Variants in SLC12A2 observed in about 807,000 individuals in gnomAD.
SLC12A2 encodes the protein solute carrier family 12 member 2.
A neutral mutation model predicts 136.3 loss-of-function variants in SLC12A2; 67 were observed. That is an observed-to-expected ratio of 0.49 (90% confidence interval 0.40 to 0.60). The LOEUF (loss-of-function observed/expected upper bound fraction) is 0.60, where lower values mean the gene tolerates loss of function less well. Ranked by LOEUF, SLC12A2 falls within the 20% of genes least tolerant of loss-of-function variation. SLC12A2 has a pLI of 0.00. For missense variants in SLC12A2, 1,322 were observed against 1,534.7 expected (o/e 0.86, Z 2.32); for synonymous variants, 619 against 562.9 (o/e 1.10, Z -1.41).
chr5:128,114,733 A>C (rs561286507), intron 4 of SLC12A2, 52 bp downstream of exon 4: 1 of 1,076,498 alleles, frequency 9.3e-7, no homozygotes, highest in East Asian at 2.4e-5. Flanking sequence ...TACTAAACAG[A>C]GGTCTAAATT....
At chr5:128,125,453 ATCT>A (rs1180916614) in intron 4 of SLC12A2, among the ~76,000 whole-genome samples, 1 of 152,086 alleles carries the variant, frequency 6.6e-6, no homozygotes, top group Non-Finnish European at 1.5e-5. Context: ...CACTTGTACA[ATCT>A]TCTTTTGGGA....
rs931244171 is a variant in SLC12A2 at position 128,186,418 on chromosome 5, T to C, written c.3504-78T>C. ...CAGTAACTGTTATTGTAATCTACTTTATAATTTTTGCTACATTTTATTCTG... is the reference window on the plus strand; with the variant it reads ...CAGTAACTGTTATTGTAATCTACTTCATAATTTTTGCTACATTTTATTCTG... On this transcript the variant is annotated intron_variant, in intron 26 of 26. Coordinates refer to ENST00000262461, the MANE Select transcript of SLC12A2 (RefSeq NM_001046.3). The C allele has an allele frequency of 3.6e-6, 5 of 1,392,132 alleles. No homozygotes were observed. In the African/African-American group the frequency reaches 5.8e-5, roughly 16 times the overall value. 86.2% of individuals were successfully genotyped at this position (1,392,132 alleles called of 1,614,324 possible).
chr5:128,180,805 G>A, intron 22 of SLC12A2, 78 bp from the exon 23 acceptor site: 1 of 845,504 alleles, frequency 1.2e-6, no homozygotes, highest in Non-Finnish European at 2.0e-6. Flanking sequence ...TAGTAAACAT[G>A]TTTTTCGAGA....
intron 1 of SLC12A2, among the ~76,000 whole-genome samples, chr5:128,091,327 A>G (rs1760310112): frequency 1.3e-5 from 2 of 152,192 alleles, no homozygotes; most frequent in Admixed American, 1.3e-4. Context: ...TTCATTCTAC[A>G]AATTAGTTCT....
At chr5:128,110,913 G>C in intron 1 of SLC12A2, 1 of 1,014,606 alleles carries the variant, frequency 9.9e-7, no homozygotes, top group Non-Finnish European at 1.6e-6. Flanking sequence ...AAATCTGAGA[G>C]GGCATGAAAA....
In SLC12A2 at chr5:128,186,407, G is replaced by A. The variant is rs533407612; in HGVS notation, c.3504-89G>A. 67 of 1,269,864 alleles carry A rather than the reference G, an allele frequency of 5.3e-5. No individual in the cohort carries two copies. The African/African-American group carries it at 8.3e-4, about 16-fold the overall frequency. 78.7% of individuals were successfully genotyped at this position (1,269,864 alleles called of 1,614,324 possible). On this transcript the variant is annotated intron_variant, in intron 26 of 26. Transcript: ENST00000262461. ...ATAGTAATTTACAGTAACTGTTATT[G>A]TAATCTACTTTATAATTTTTGCTAC...
chr5:128,090,232 G>T (rs991194714), intron 1 of SLC12A2, among the ~76,000 whole-genome samples: 2 of 152,158 alleles, frequency 1.3e-5, no homozygotes, highest in African/African-American at 2.4e-5. Context: ...TTCCTGGGTA[G>T]AAGGAAAGAA....
At position 128,116,747 on chromosome 5, in the gene SLC12A2, C is replaced by T. The variant is rs184926549; in HGVS notation, c.1048+2066C>T. ...GCTTTCTTAGAAGGCATTCATTTTTCACTTAGTGACTTTGGACAGCTGGAT... is the reference window on the plus strand; with the variant it reads ...GCTTTCTTAGAAGGCATTCATTTTTTACTTAGTGACTTTGGACAGCTGGAT... On this transcript the variant is annotated intron_variant, in intron 4 of 26. Coordinates refer to ENST00000262461, the MANE Select transcript of SLC12A2 (RefSeq NM_001046.3). Among the ~76,000 whole-genome samples the T allele has an allele frequency of 4.5e-4, 68 of 152,216 alleles. 1 individual carries two copies. The highest frequency in any genetic ancestry group is 1.6e-3 in the Admixed American group (24 of 15,288).
chr5:128,148,302 T>A (rs1762594499), intron 11 of SLC12A2, among the ~76,000 whole-genome samples: 1 of 151,752 alleles, frequency 6.6e-6, no homozygotes, highest in Non-Finnish European at 1.5e-5. Flanking sequence ...GCTGTATTTA[T>A]AGCCAGTGAG....
In SLC12A2 at chr5:128,138,739, G is replaced by T; in HGVS notation, c.1536+15G>T. On this transcript the variant is annotated intron_variant, in intron 8 of 26. Transcript: ENST00000262461. ...GTGATCTTGCAGTAAGTATTATAAA[G>T]TGCTATATCAATTATATATTTTAAA... 1 of 1,607,814 alleles carries T rather than the reference G, an allele frequency of 6.2e-7. No homozygotes were observed. The highest frequency in any genetic ancestry group is 8.5e-7 in the Non-Finnish European group (1 of 1,176,996).
At chr5:128,136,724 AC>A (rs1439143307) in intron 7 of SLC12A2, among the ~76,000 whole-genome samples, 4 of 151,980 alleles carry the variant, frequency 2.6e-5, no homozygotes, top group Admixed American at 6.5e-5. Flanking sequence ...TACTCCTGTT[AC>A]CCCCTTTAAA....
At chr5:128,185,083 T>C (rs1018106258) in intron 26 of SLC12A2, among the ~76,000 whole-genome samples, 1 of 152,162 alleles carries the variant, frequency 6.6e-6, no homozygotes, top group Non-Finnish European at 1.5e-5. Flanking sequence ...CATAGTAGGT[T>C]ATATTGGAAC....
chr5:128,131,527 A>G (rs1762022481), intron 5 of SLC12A2, among the ~76,000 whole-genome samples: 1 of 138,478 alleles, frequency 7.2e-6, no homozygotes, highest in Non-Finnish European at 1.5e-5. Context: ...CCCCATCTCT[A>G]CTACAAATAC....
Position 128,188,324 on chromosome 5 carries a change from C to T in SLC12A2, c.*1693C>T, listed in dbSNP as rs1005156923. On this transcript the variant is annotated 3_prime_UTR_variant, in exon 27 of 27. Coordinates refer to ENST00000262461, the MANE Select transcript of SLC12A2 (RefSeq NM_001046.3). ...TTTTTTTTTTTTTTTGAGACGGAGT[C>T]TTGCTCTGTTGCCACGCTGGAATGC... The T allele has an allele frequency of 1.4e-4, 16 of 110,888 alleles. No homozygotes were observed. The highest frequency in any genetic ancestry group is 5.8e-4 in the African/African-American group (16 of 27,698). The allele number at this position is 110,888 out of a possible 1,614,324, so 6.9% of individuals were successfully genotyped here.
intron 9 of SLC12A2, 50 bp downstream of exon 9, chr5:128,138,958 GTACTATAAA>G: frequency 8.2e-7 from 1 of 1,219,868 alleles, no homozygotes; most frequent in Non-Finnish European, 1.2e-6. Context: ...CATGATGTAC[GTACTATAAA>G]TACTTATTTT....
chr5:128,177,013 T>C, intron 20 of SLC12A2, 92 bp from the exon 21 acceptor site: 2 of 720,600 alleles, frequency 2.8e-6, no homozygotes, highest in African/African-American at 1.9e-5. Flanking sequence ...TCATATTATA[T>C]TTTGTTTATA....
rs758116320 is a variant in SLC12A2, at chr5:128,084,674, G to A, written c.720G>A (p.Arg240=). 12 of 1,609,186 alleles carry A rather than the reference G, an allele frequency of 7.5e-6. No individual in the cohort carries two copies. The highest frequency in any genetic ancestry group is 9.3e-6 in the Non-Finnish European group (11 of 1,177,712). The change falls in exon 1 of 27, where the codon CGG becomes CGA. Residue 240 remains arginine (R), a synonymous_variant. Transcript: ENST00000262461. The surrounding 1 kb of genome is among the most constrained non-coding windows in gnomAD (Gnocchi z 5.6). ...TAAQLGEKLL[R]PSLAELHDEL... is the part of the protein sequence containing the mutation. Reference sequence around the variant, plus strand: ...CGCAGCTGGGCGAGAAGCTGCTCCGGCCTAGCCTGGCGGAGCTCCACGACG... The same window carrying A: ...CGCAGCTGGGCGAGAAGCTGCTCCGACCTAGCCTGGCGGAGCTCCACGACG...
chr5:128,098,150 C>A (rs1561654813), intron 1 of SLC12A2, among the ~76,000 whole-genome samples: 1 of 151,986 alleles, frequency 6.6e-6, no homozygotes, highest in Non-Finnish European at 1.5e-5. Context: ...TTTGTGTATC[C>A]TTTGTCAGTT....
chr5:128,175,669 A>G (rs1456042167), intron 20 of SLC12A2, among the ~76,000 whole-genome samples: 1 of 151,976 alleles, frequency 6.6e-6, no homozygotes, highest in African/African-American at 2.4e-5. Context: ...TAGCTAATTA[A>G]TATATGTTAC....
Sources: gnomAD v4.1 joint callset for allele counts (sites outside exome capture counted in the v4.1 genomes callset) on GRCh38, gnomAD v4.1.1 for gene constraint, Gnocchi (gnomAD v3.1) non-coding constraint, MANE v1.5 for transcripts, NCBI Gene and HGNC (gene_info 2026-07-23, HGNC 2026-07-21) for gene names.